Variants in CSMD1 observed in about 807,000 individuals in gnomAD.
CSMD1 encodes the protein CUB and Sushi multiple domains 1.
CSMD1 carries 213 observed loss-of-function variants against 417.5 expected under a neutral mutation model. The ratio of observed to expected loss-of-function variants is 0.51; its 90% CI spans 0.46 to 0.57. The LOEUF (loss-of-function observed/expected upper bound fraction) is 0.57, where lower values mean the gene tolerates loss of function less well. CSMD1 is among the 20% of genes least tolerant of loss of function. The probability of loss-of-function intolerance (pLI) is 0.00; values close to 1 mark genes in which losing one functional copy is unlikely to be tolerated. For missense variants in CSMD1, 6,923 were observed against 4,529.7 expected, an observed-to-expected ratio of 1.53 and a Z score of -15.17; for synonymous variants, 2,862 against 1,736.8, an observed-to-expected ratio of 1.65 and a Z score of -16.11.
intron 1 of CSMD1, among the ~76,000 whole-genome samples, chr8:4,959,172 T>C (rs1809317408): frequency 6.6e-6 from 1 of 152,366 alleles, no homozygotes; most frequent in East Asian, 1.9e-4. Flanking sequence ...CTGGTTTCTA[T>C]GACACAGCTT....
chr8:4,818,423 C>T (rs1015217239), intron 1 of CSMD1, among the ~76,000 whole-genome samples: 2 of 152,168 alleles, frequency 1.3e-5, no homozygotes, highest in African/African-American at 4.8e-5. Flanking sequence ...CTTTTCTTAA[C>T]ATTCTGATTA....
intron 15 of CSMD1, among the ~76,000 whole-genome samples, chr8:3,404,530 G>C (rs1455356317): frequency 1.3e-5 from 2 of 152,052 alleles, no homozygotes; most frequent in African/African-American, 4.8e-5. Flanking sequence ...ATGGGTCTGA[G>C]AATGTTATTC....
intron 5 of CSMD1, among the ~76,000 whole-genome samples, chr8:3,819,586 G>A (rs191737312): frequency 3.8e-4 from 58 of 150,818 alleles, no homozygotes; most frequent in African/African-American, 1.3e-3. Flanking sequence ...GCCAACATGC[G>A]TAACATATAT....
At chr8:4,035,295 C>G (rs777273526) in intron 3 of CSMD1, among the ~76,000 whole-genome samples, 19 of 152,160 alleles carry the variant, frequency 1.2e-4, no homozygotes, top group Non-Finnish European at 2.5e-4. Context: ...ATTAGGTTCA[C>G]TGCATATGCT....
chr8:3,123,029 G>A (rs1341672814), intron 41 of CSMD1, among the ~76,000 whole-genome samples: 1 of 152,140 alleles, frequency 6.6e-6, no homozygotes, highest in Non-Finnish European at 1.5e-5. Context: ...TGTCTTAAAG[G>A]ACGTAGCTCA....
chr8:4,141,677 A>G (rs1378166134), intron 3 of CSMD1, among the ~76,000 whole-genome samples: 5 of 151,086 alleles, frequency 3.3e-5, no homozygotes, highest in African/African-American at 1.2e-4. Context: ...ACTTCTCCAG[A>G]AATTGCTTAA....
intron 3 of CSMD1, among the ~76,000 whole-genome samples, chr8:4,315,212 T>G (rs1423722177): frequency 6.6e-6 from 1 of 152,142 alleles, no homozygotes; most frequent in South Asian, 2.1e-4. Flanking sequence ...AGGTGGCACT[T>G]TCTGCTCAAA....
At chr8:3,564,517 T>TTGTGTGTG (rs34665230) in intron 10 of CSMD1, among the ~76,000 whole-genome samples, 15,088 of 145,368 alleles carry the variant, frequency 0.1, 829 homozygotes, top group Middle Eastern at 0.16. Flanking sequence ...CACAGTATAT[T>TTGTGTGTG]TGTGTGTGTG....
rs970723436 is a variant in CSMD1 at position 4,089,302 on chromosome 8, T to C, written c.416-57203A>G. 2.6e-5 allele frequency among the ~76,000 whole-genome samples: 4 copies of C among 152,190 alleles called. No individual in the cohort carries two copies. In the South Asian group the frequency reaches 8.3e-4, roughly 32 times the overall value. ...GGGGTGCCTGCCAACTTGTAGATGT[T>C]TGAAAGAAGAAAGAAGGAAAGAAGA... On this transcript the variant is annotated intron_variant, in intron 3 of 69. Coordinates refer to ENST00000635120, the MANE Select transcript of CSMD1 (RefSeq NM_033225.6).
chr8:3,385,161 C>G (rs577879832), intron 18 of CSMD1, among the ~76,000 whole-genome samples: 1 of 127,510 alleles, frequency 7.8e-6, no homozygotes, highest in African/African-American at 3.0e-5. Flanking sequence ...ATATATAATA[C>G]ATAATATATA....
intron 18 of CSMD1, among the ~76,000 whole-genome samples, chr8:3,385,632 C>T (rs373033426): frequency 2.0e-5 from 3 of 152,160 alleles, no homozygotes; most frequent in East Asian, 1.9e-4. Context: ...ATGGTGTTTT[C>T]TGTAGGCAAA....
At chr8:4,930,838 C>T (rs1344723643) in intron 1 of CSMD1, among the ~76,000 whole-genome samples, 1 of 152,150 alleles carries the variant, frequency 6.6e-6, no homozygotes, top group Admixed American at 6.5e-5. Flanking sequence ...ATTGTAAATA[C>T]AGGATAGATC....
chr8:4,472,350 G>C (rs1465241674), intron 2 of CSMD1, among the ~76,000 whole-genome samples: 3 of 152,022 alleles, frequency 2.0e-5, no homozygotes, highest in Non-Finnish European at 4.4e-5. Context: ...TATGTACCTG[G>C]TTTATTTCAT....
At chr8:4,163,519 G>T (rs968111893) in intron 3 of CSMD1, among the ~76,000 whole-genome samples, 1 of 152,080 alleles carries the variant, frequency 6.6e-6, no homozygotes, top group Admixed American at 6.6e-5. Context: ...ATTGTTTTGT[G>T]AAATATTTAA....
At chr8:2,950,046 G>A (rs1000795310) in intron 67 of CSMD1, among the ~76,000 whole-genome samples, 185 bp downstream of exon 67, 2 of 152,046 alleles carry the variant, frequency 1.3e-5, no homozygotes, top group South Asian at 2.1e-4. Context: ...TCTTAGACCT[G>A]GTTTCTTCCC....
At chr8:4,042,432 T>A (rs1198342685) in intron 3 of CSMD1, among the ~76,000 whole-genome samples, 1 of 152,020 alleles carries the variant, frequency 6.6e-6, no homozygotes, top group African/African-American at 2.4e-5. Flanking sequence ...ACCATCAATC[T>A]AAATAAATTT....
At chr8:3,467,460 A>G (rs1303859471) in intron 12 of CSMD1, among the ~76,000 whole-genome samples, 2 of 152,240 alleles carry the variant, frequency 1.3e-5, no homozygotes, top group African/African-American at 2.4e-5. Flanking sequence ...GGTCAGGTCT[A>G]AAAATTCAAA....
chr8:4,951,453 G>A (rs955810332), intron 1 of CSMD1, among the ~76,000 whole-genome samples: 1 of 150,922 alleles, frequency 6.6e-6, no homozygotes, highest in Non-Finnish European at 1.5e-5. Context: ...GGGAAGGAAG[G>A]AAGGAAAGAA....
intron 2 of CSMD1, among the ~76,000 whole-genome samples, chr8:4,430,205 G>T (rs1797793870): frequency 6.6e-6 from 1 of 152,116 alleles, no homozygotes; most frequent in African/African-American, 2.4e-5. Context: ...TTTATCTCAG[G>T]AGTTAGGCCC....
Sources: gnomAD v4.1 joint callset for allele counts (sites outside exome capture counted in the v4.1 genomes callset) on GRCh38, gnomAD v4.1.1 for gene constraint, MANE v1.5 for transcripts, NCBI Gene and HGNC (gene_info 2026-07-23, HGNC 2026-07-21) for gene names.